The following KIF3C variants were observed in gnomAD, a reference collection of about 807,000 sequenced individuals.
KIF3C encodes kinesin family member 3C, also known as kinesin-like protein KIF3C.
KIF3C carries 12 observed loss-of-function variants against 67.7 expected under a neutral mutation model. The ratio of observed to expected loss-of-function variants is 0.18; its 90% confidence interval spans 0.11 to 0.29. KIF3C has a LOEUF of 0.29. Ranked by LOEUF, KIF3C falls within the 10% of genes least tolerant of loss-of-function variation. The pLI is 1.00. For synonymous variants in KIF3C, 393 were observed against 426.2 expected, an observed-to-expected ratio of 0.92 and a Z score of 0.96; for missense variants, 789 against 1,059.6, an observed-to-expected ratio of 0.74 and a Z score of 3.55.
At chr2:25,965,759 G>C (rs1255804544) in intron 1 of KIF3C, among the ~76,000 whole-genome samples, 1 of 151,864 alleles carries the variant, frequency 6.6e-6, no homozygotes, top group Non-Finnish European at 1.5e-5. Flanking sequence ...GTCTTCAAGA[G>C]AACTTCCCTG....
chr2:25,935,929 A>C (rs1663098320), intron 5 of KIF3C, among the ~76,000 whole-genome samples: 1 of 151,874 alleles, frequency 6.6e-6, no homozygotes, highest in African/African-American at 2.4e-5. Flanking sequence ...AAATACAAAA[A>C]AAAAAAAATT....
chr2:25,957,401 G>C (rs1337613075), intron 1 of KIF3C, among the ~76,000 whole-genome samples: 1 of 152,194 alleles, frequency 6.6e-6, no homozygotes, highest in Non-Finnish European at 1.5e-5. Context: ...ATTTTCAAGA[G>C]GGTGCTGTCG....
intron 1 of KIF3C, among the ~76,000 whole-genome samples, chr2:25,968,054 C>T (rs7586869): frequency 0.59 from 89,160 of 152,034 alleles, 27,653 homozygotes; most frequent in African/African-American, 0.74. Flanking sequence ...CACCCCTTCC[C>T]TCACAGACCT....
At position 25,948,590 on chromosome 2, in the gene KIF3C, G is replaced by A. The variant is rs1167060163; in HGVS notation, c.2006+3199C>T. On this transcript the variant is annotated intron_variant, in intron 5 of 7. Coordinates refer to ENST00000264712, the MANE Select transcript of KIF3C (RefSeq NM_002254.8). ...AAGTAAGGAAGAAAATAAAGAAAGG[G>A]AGAAAGAGAAAGAAAGAAAGAGAAA... Among the ~76,000 whole-genome samples, 10 of 148,268 alleles carry A rather than the reference G, an allele frequency of 6.7e-5. No homozygotes were observed. The Admixed American group carries it at 6.8e-4, about 10-fold the overall frequency.
chr2:25,938,354 T>A (rs763518455), intron 5 of KIF3C: 10 of 335,330 alleles, frequency 3.0e-5, no homozygotes, highest in South Asian at 2.0e-4. Context: ...TGAGTCTGAG[T>A]CTCAAAAAAA....
At chr2:25,944,225 T>C (rs1663369263) in intron 5 of KIF3C, among the ~76,000 whole-genome samples, 1 of 152,126 alleles carries the variant, frequency 6.6e-6, no homozygotes, top group Admixed American at 6.6e-5. Context: ...CTGATATTTC[T>C]TAATAACTGT....
At position 25,955,517 on chromosome 2, in the gene KIF3C, A is replaced by G. The variant is rs1177668144; in HGVS notation, c.1770+24T>C. 4 of 1,613,088 alleles carry G rather than the reference A, an allele frequency of 2.5e-6. No individual in the cohort carries two copies. Among genetic ancestry groups the G allele is most frequent in the Non-Finnish European group, 3.4e-6 (4 of 1,179,466 alleles). ...ACTGCTGGGCCTCCAGCACACCTTA[A>G]CCGGTCCTGCTGCAGCGTCTCACCT... is the stretch of plus-strand genomic sequence containing the variant. On this transcript the variant is annotated intron_variant, in intron 3 of 7. Transcript: ENST00000264712. This position sits in a 1 kb window ranked among gnomAD's most constrained non-coding sequence, Gnocchi z 5.0.
intron 1 of KIF3C, among the ~76,000 whole-genome samples, chr2:25,972,536 C>G (rs1288507190): frequency 6.6e-6 from 1 of 152,134 alleles, no homozygotes; most frequent in East Asian, 1.9e-4. Context: ...GTATGGGTCA[C>G]TTGTTATCTC....
intron 1 of KIF3C, among the ~76,000 whole-genome samples, chr2:25,968,784 G>A (rs757932892): frequency 1.3e-5 from 2 of 151,748 alleles, no homozygotes; most frequent in African/African-American, 2.4e-5. Flanking sequence ...TGCTTCCAAG[G>A]TGAATCAGCA....
At chr2:25,937,382 C>A (rs768978210) in intron 5 of KIF3C, among the ~76,000 whole-genome samples, 2 of 152,166 alleles carry the variant, frequency 1.3e-5, no homozygotes, top group East Asian at 3.9e-4. Flanking sequence ...TCCCTGCTGA[C>A]CCTCTCTATA....
At chr2:25,977,969 A>G (rs1342893463) in intron 1 of KIF3C, among the ~76,000 whole-genome samples, 1 of 150,698 alleles carries the variant, frequency 6.6e-6, no homozygotes, top group Non-Finnish European at 1.5e-5. Flanking sequence ...TTTCCCAGGC[A>G]CTCCTCCCCC....
Position 25,943,281 on chromosome 2 carries a change from G to A in KIF3C, c.2006+8508C>T, listed in dbSNP as rs574438333. Reference sequence around the variant, plus strand: ...AGTTTGCTTCACAGCTGCAGCCTCAGACCCCATGGTTCCTGAAATGAGGAA... The same window carrying A: ...AGTTTGCTTCACAGCTGCAGCCTCAAACCCCATGGTTCCTGAAATGAGGAA... On this transcript the variant is annotated intron_variant, in intron 5 of 7. Coordinates refer to ENST00000264712, the MANE Select transcript of KIF3C (RefSeq NM_002254.8). Among the ~76,000 whole-genome samples, 12 of 152,266 alleles carry A rather than the reference G, an allele frequency of 7.9e-5. No individual in the cohort carries two copies. The South Asian group carries it at 2.5e-3, about 32-fold the overall frequency.
At chr2:25,979,968 G>A (rs1236422809) in intron 1 of KIF3C, among the ~76,000 whole-genome samples, 1 of 152,204 alleles carries the variant, frequency 6.6e-6, no homozygotes. Flanking sequence ...TTAAAACGAC[G>A]TGAGGTTTGA....
intron 5 of KIF3C, among the ~76,000 whole-genome samples, chr2:25,949,561 A>G (rs903440956): frequency 1.3e-5 from 2 of 151,840 alleles, no homozygotes; most frequent in Non-Finnish European, 2.9e-5. Context: ...AACAACAACA[A>G]AAGTTAATGC....
chr2:25,936,733 T>C (rs1663142153), intron 5 of KIF3C, among the ~76,000 whole-genome samples: 1 of 152,230 alleles, frequency 6.6e-6, no homozygotes, highest in Non-Finnish European at 1.5e-5. Context: ...TGATTACACT[T>C]ATGGAAGTTT....
intron 5 of KIF3C, among the ~76,000 whole-genome samples, chr2:25,932,764 C>G (rs2090472216): frequency 2.6e-5 from 4 of 151,744 alleles, no homozygotes; most frequent in Admixed American, 2.0e-4. Context: ...ACCCGGGAGG[C>G]AGAGGTTGCA....
At chr2:25,970,069 G>C (rs1664239723) in intron 1 of KIF3C, among the ~76,000 whole-genome samples, 1 of 152,166 alleles carries the variant, frequency 6.6e-6, no homozygotes, top group African/African-American at 2.4e-5. Context: ...TAGAAGCTGG[G>C]GGTTTGCATC....
rs1204686037 is a variant in KIF3C at position 25,954,208 on chromosome 2, G to A, written c.1889+59C>T. On this transcript the variant is annotated intron_variant, in intron 4 of 7. Coordinates refer to ENST00000264712, the MANE Select transcript of KIF3C (RefSeq NM_002254.8). ...CAGGATGAGGCCTTAGGGGAGGAGA[G>A]GCCTGAGTAATGATGGCTGGCTGTG... 8 of 1,229,402 alleles carry A rather than the reference G, an allele frequency of 6.5e-6. No homozygotes were observed. In the African/African-American group the frequency reaches 1.2e-4, roughly 18 times the overall value. The allele number at this position is 1,229,402 out of a possible 1,614,324, so 76.2% of individuals were successfully genotyped here.
intron 1 of KIF3C, among the ~76,000 whole-genome samples, chr2:25,964,347 T>C (rs1664088440): frequency 6.6e-6 from 1 of 152,198 alleles, no homozygotes; most frequent in African/African-American, 2.4e-5. Flanking sequence ...TAATAATAGA[T>C]ATAAAATCGA....
Sources: gnomAD v4.1 joint callset for allele counts (sites outside exome capture counted in the v4.1 genomes callset) on GRCh38, gnomAD v4.1.1 for gene constraint, Gnocchi (gnomAD v3.1) non-coding constraint, MANE v1.5 for transcripts, NCBI Gene and HGNC (gene_info 2026-07-23, HGNC 2026-07-21) for gene names.